ASIC2: variants seen among roughly 807,000 people sequenced by gnomAD.
ASIC2 encodes the protein acid-sensing ion channel 2.
Under a neutral mutation model 57.3 loss-of-function variants are expected in ASIC2, and 25 were observed. The observed-to-expected ratio is 0.44, with a 90% CI of 0.32 to 0.61. The LOEUF (loss-of-function observed/expected upper bound fraction) is 0.61, where lower values mean the gene tolerates loss of function less well. ASIC2 is among the 20% of genes least tolerant of loss of function. The pLI is 0.06. For synonymous variants in ASIC2, 319 were observed against 307.5 expected (o/e 1.04, Z -0.39); for missense variants, 641 against 738.1 (o/e 0.87, Z 1.52).
chr17:33,046,673 A>G (rs778652917), intron 3 of ASIC2, among the ~76,000 whole-genome samples: 2 of 152,214 alleles, frequency 1.3e-5, no homozygotes, highest in Non-Finnish European at 2.9e-5. Context: ...CCCAGCACCA[A>G]GCTTCAGGGC....
At chr17:33,602,345 G>A (rs949348485) in intron 1 of ASIC2, among the ~76,000 whole-genome samples, 7 of 152,142 alleles carry the variant, frequency 4.6e-5, no homozygotes, top group Non-Finnish European at 1.0e-4. Flanking sequence ...GTTCATGATG[G>A]CTCTTGCCCT....
rs907315635 is a variant in ASIC2 at position 33,250,270 on chromosome 17, A to G, written c.708+41138T>C. Among the ~76,000 whole-genome samples, 7 of 152,198 alleles carry G rather than the reference A, an allele frequency of 4.6e-5. No homozygotes were observed. The South Asian group carries it at 6.2e-4, about 13-fold the overall frequency. ...TTGAGTTAGTCCTGACATAACACTC[A>G]CCCAAAGGGAGATGTCCCTTTTTCG... is the stretch of plus-strand genomic sequence containing the variant. On this transcript the variant is annotated intron_variant, in intron 1 of 9. Coordinates refer to ENST00000225823, the MANE Select transcript of ASIC2 (RefSeq NM_183377.2).
At chr17:33,294,147 C>T (rs1266245756), upstream of ASIC2, among the ~76,000 whole-genome samples, 2 of 152,140 alleles carry the variant, frequency 1.3e-5, no homozygotes, top group Non-Finnish European at 2.9e-5. Context: ...CAGGAGACTC[C>T]ATCTTTCCCA....
intron 1 of ASIC2, among the ~76,000 whole-genome samples, chr17:33,717,642 C>T (rs761364911): frequency 1.1e-4 from 16 of 152,240 alleles, no homozygotes; most frequent in East Asian, 1.9e-4. Flanking sequence ...CCTTTATGGA[C>T]GCATGAGATG....
chr17:33,274,466 C>A (rs1264506580), intron 1 of ASIC2, among the ~76,000 whole-genome samples: 1 of 152,148 alleles, frequency 6.6e-6, no homozygotes, highest in African/African-American at 2.4e-5. Context: ...AGAGACAGTA[C>A]AAATAATCCA....
At chr17:33,297,362 G>A (rs1229667936), upstream of ASIC2, among the ~76,000 whole-genome samples, 5 of 152,154 alleles carry the variant, frequency 3.3e-5, no homozygotes, top group Non-Finnish European at 1.5e-5. Flanking sequence ...ATTTCTGCGG[G>A]TGGTTGGGGG....
intron 1 of ASIC2, among the ~76,000 whole-genome samples, chr17:34,138,400 C>T (rs116601567): frequency 2.2e-3 from 342 of 152,274 alleles, no homozygotes; most frequent in African/African-American, 7.9e-3. Flanking sequence ...CCCACCTCTC[C>T]CACTCCCACT....
At chr17:33,694,801 G>A (rs57828433) in intron 1 of ASIC2, among the ~76,000 whole-genome samples, 4,331 of 152,100 alleles carry the variant, frequency 0.028, 206 homozygotes, top group African/African-American at 0.099. Flanking sequence ...AGGGTGAGTG[G>A]GATTCCCTTC....
Position 33,028,368 on chromosome 17 carries a change from C to T in ASIC2, c.1012G>A (p.Gly338Ser), listed in dbSNP as rs2091867660. Reference sequence around the variant, plus strand: ...CCCATCTCTGAGGATCGGCACTCACCCCACGGTGGGGGCAGGTATGTGAGC... The same window carrying T: ...CCCATCTCTGAGGATCGGCACTCACTCCACGGTGGGGGCAGGTATGTGAGC... ...QRLTYLPPPW[G>S]ECRSSEMGLD... Residue 338 changes from glycine to serine, a missense_variant, in exon 4 of 10, where the codon GGT becomes AGT. Gly to Ser is a moderately conservative substitution (Grantham distance 56). Around this residue, in one of 3 missense-constraint regions of ASIC2, gnomAD observed 252 missense variants for 319.8 expected, o/e 0.79. Coordinates refer to ENST00000225823, the MANE Select transcript of ASIC2 (RefSeq NM_183377.2). 5 of 1,613,956 alleles carry T rather than the reference C, an allele frequency of 3.1e-6. No individual in the cohort carries two copies. Among genetic ancestry groups the T allele is most frequent in the African/African-American group, 1.3e-5 (1 of 74,886 alleles).
intron 1 of ASIC2, among the ~76,000 whole-genome samples, chr17:34,019,263 C>T (rs115119343): frequency 1.3e-5 from 2 of 152,106 alleles, no homozygotes; most frequent in Non-Finnish European, 2.9e-5. Context: ...GAAATGACAA[C>T]AAAGGATTGA....
chr17:33,460,105 A>G (rs2141911066), intron 1 of ASIC2, among the ~76,000 whole-genome samples: 1 of 152,214 alleles, frequency 6.6e-6, no homozygotes, highest in South Asian at 2.1e-4. Context: ...CTTGCCTCCA[A>G]CACATCTATT....
At chr17:33,224,123 C>T (rs1312759189) in intron 1 of ASIC2, among the ~76,000 whole-genome samples, 1 of 152,172 alleles carries the variant, frequency 6.6e-6, no homozygotes, top group East Asian at 1.9e-4. Flanking sequence ...CAGATGCAAG[C>T]CAAGAACACA....
chr17:33,843,815 G>A (rs1256985907), intron 1 of ASIC2, among the ~76,000 whole-genome samples: 4 of 152,312 alleles, frequency 2.6e-5, no homozygotes, highest in East Asian at 3.9e-4. Flanking sequence ...GGCAAGAAGA[G>A]GCAAAGCTTA....
At chr17:33,291,246 G>C in intron 1 of ASIC2, 162 bp downstream of exon 1, 1 of 1,393,178 alleles carries the variant, frequency 7.2e-7, no homozygotes, top group South Asian at 1.6e-5. Context: ...ACAACCTGCA[G>C]GAGAAGACTC....
chr17:33,892,552 C>T (rs1202132766), intron 1 of ASIC2, among the ~76,000 whole-genome samples: 1 of 152,098 alleles, frequency 6.6e-6, no homozygotes, highest in Non-Finnish European at 1.5e-5. Context: ...GAAGGGCAAC[C>T]ACTTCGTGCC....
At chr17:33,503,791 T>A (rs1914169639) in intron 1 of ASIC2, among the ~76,000 whole-genome samples, 1 of 152,214 alleles carries the variant, frequency 6.6e-6, no homozygotes, top group Non-Finnish European at 1.5e-5. Context: ...TTTTTCTGAA[T>A]CAGTGTTTTC....
intron 1 of ASIC2, among the ~76,000 whole-genome samples, chr17:33,722,121 C>A (rs536190975): frequency 1.4e-3 from 215 of 152,270 alleles, no homozygotes; most frequent in African/African-American, 4.9e-3. Context: ...GTGAAAGGAC[C>A]CAGTGGGAGG....
chr17:33,569,573 T>C (rs909861158), intron 1 of ASIC2: 17 of 152,200 alleles, frequency 1.1e-4, no homozygotes, highest in African/African-American at 3.9e-4. Flanking sequence ...TTAATTGACT[T>C]CTTCAGGCTC....
intron 1 of ASIC2, among the ~76,000 whole-genome samples, chr17:33,776,286 C>T (rs1423159416): frequency 6.6e-6 from 1 of 152,090 alleles, no homozygotes; most frequent in Non-Finnish European, 1.5e-5. Context: ...TTGGGATAGC[C>T]CCTTATAAAA....
Sources: gnomAD v4.1 joint callset for allele counts (sites outside exome capture counted in the v4.1 genomes callset) on GRCh38, gnomAD v4.1.1 for gene constraint, gnomAD v4.1.1 regional missense constraint, MANE v1.5 for transcripts, NCBI Gene and HGNC (gene_info 2026-07-23, HGNC 2026-07-21) for gene names.